Variants in WDR49 observed in about 807,000 individuals in gnomAD.
The protein encoded by WDR49 is WD repeat domain 49, also known as cilia- and flagella-associated protein 337.
In WDR49, 107 loss-of-function variants were observed where a neutral mutation model predicts 119.5. The ratio of observed to expected loss-of-function variants is 0.90; its 90% CI spans 0.77 to 1.05. The LOEUF is 1.05. Ranked by LOEUF, WDR49 falls within the 50% of genes least tolerant of loss-of-function variation. The pLI is 0.00. For missense variants in WDR49, 1,240 were observed against 1,220.5 expected (o/e 1.02, Z -0.24); for synonymous variants, 425 against 418.8 (o/e 1.01, Z -0.18).
chr3:167,521,813 G>T (rs1752446217), intron 16 of WDR49, among the ~76,000 whole-genome samples: 1 of 152,142 alleles, frequency 6.6e-6, no homozygotes, highest in South Asian at 2.1e-4. Flanking sequence ...CTAGCAGAGT[G>T]ATGTGAAGAG....
chr3:167,601,070 A>G (rs1715746435), intron 7 of WDR49, among the ~76,000 whole-genome samples: 1 of 152,148 alleles, frequency 6.6e-6, no homozygotes, highest in South Asian at 2.1e-4. Context: ...AAATAGAGAG[A>G]TATATTAGAA....
At chr3:167,480,187 T>C (rs1337894145) in intron 18 of WDR49, among the ~76,000 whole-genome samples, 1 of 145,934 alleles carries the variant, frequency 6.9e-6, no homozygotes, top group Non-Finnish European at 1.5e-5. Flanking sequence ...AGGCAGAGTT[T>C]GCAGTGAGCC....
chr3:167,527,834 A>G lies in WDR49; in HGVS notation c.2590T>C (p.Trp864Arg). The G allele has an allele frequency of 6.2e-7, 1 of 1,612,790 alleles. No homozygotes were observed. The highest frequency in any genetic ancestry group is 8.5e-7 in the Non-Finnish European group (1 of 1,179,306). ...CVTGVCNAPV[W>R]IFGQAKHWHI... is the part of the protein sequence containing the mutation. ...AATATTTCTACCTGACCAAAGATCC[A>G]AACAGGAGCATTGCAGACACCAGTC... The change falls in exon 15 of 19, where the codon TGG becomes CGG. Residue 864 changes from tryptophan to arginine, a missense_variant. Transcript: ENST00000682715.
intron 5 of WDR49, among the ~76,000 whole-genome samples, chr3:167,619,890 C>G (rs1325078930): frequency 2.0e-5 from 3 of 151,712 alleles, no homozygotes; most frequent in Non-Finnish European, 2.9e-5. Flanking sequence ...TCTGTAGATA[C>G]TGATTTTATA....
intron 3 of WDR49, among the ~76,000 whole-genome samples, chr3:167,622,564 T>G (rs1022900944): frequency 6.6e-6 from 1 of 152,092 alleles, no homozygotes; most frequent in Non-Finnish European, 1.5e-5. Flanking sequence ...AGCCCCGTAA[T>G]ACAGAAGCAA....
At chr3:167,655,813 G>T (rs529341485), upstream of WDR49, among the ~76,000 whole-genome samples, 15 of 152,150 alleles carry the variant, frequency 9.9e-5, no homozygotes, top group Middle Eastern at 3.4e-3. Flanking sequence ...CAGGAGAATC[G>T]CTTGAACCTG....
intron 10 of WDR49, among the ~76,000 whole-genome samples, chr3:167,540,461 G>T (rs75745566): frequency 1.8e-3 from 277 of 152,146 alleles, no homozygotes; most frequent in African/African-American, 6.6e-3. Context: ...AGTCTGGCTC[G>T]TAGGAAGCCC....
intron 7 of WDR49, among the ~76,000 whole-genome samples, chr3:167,593,912 G>A (rs777960308): frequency 6.6e-5 from 10 of 152,184 alleles, no homozygotes; most frequent in Middle Eastern, 6.8e-3. Flanking sequence ...AAAAGTGTGC[G>A]GTGGTTCCCC....
intron 11 of WDR49, among the ~76,000 whole-genome samples, chr3:167,535,170 G>C (rs751738424): frequency 2.6e-5 from 4 of 152,102 alleles, no homozygotes; most frequent in Non-Finnish European, 4.4e-5. Flanking sequence ...GGGGAAATCA[G>C]ACAGCCAGGC....
intron 2 of WDR49, among the ~76,000 whole-genome samples, chr3:167,639,360 T>C (rs1397518440): frequency 6.6e-6 from 1 of 151,680 alleles, no homozygotes; most frequent in African/African-American, 2.4e-5. Context: ...GAAACTGATG[T>C]TCAGGCTTAT....
chr3:167,642,396 A>G (rs1229396264), intron 2 of WDR49, among the ~76,000 whole-genome samples: 1 of 152,050 alleles, frequency 6.6e-6, no homozygotes, highest in Non-Finnish European at 1.5e-5. Context: ...AGAATAAAGC[A>G]TACAAATAAA....
chr3:167,584,337 G>C (rs1256467710), intron 7 of WDR49, among the ~76,000 whole-genome samples: 3 of 152,074 alleles, frequency 2.0e-5, no homozygotes, highest in African/African-American at 4.8e-5. Flanking sequence ...GAGAAATACT[G>C]AGAGCTCTTT....
At chr3:167,572,763 G>T (rs1306409592) in intron 8 of WDR49, among the ~76,000 whole-genome samples, 1 of 152,208 alleles carries the variant, frequency 6.6e-6, no homozygotes, top group Non-Finnish European at 1.5e-5. Flanking sequence ...CCAATGCTCA[G>T]GAAGAGGAGA....
chr3:167,610,680 C>T (rs1716297754), intron 5 of WDR49, among the ~76,000 whole-genome samples: 1 of 152,176 alleles, frequency 6.6e-6, no homozygotes, highest in African/African-American at 2.4e-5. Context: ...AGCCCCAGGG[C>T]CTTGAGTGAA....
At chr3:167,549,783 A>G (rs975376001) in intron 10 of WDR49, among the ~76,000 whole-genome samples, 3 of 152,182 alleles carry the variant, frequency 2.0e-5, no homozygotes, top group African/African-American at 7.2e-5. Flanking sequence ...CTATGTCCTG[A>G]ATGGTATTGC....
chr3:167,532,837 AT>A, intron 12 of WDR49, 41 bp downstream of exon 12: 1 of 1,483,054 alleles, frequency 6.7e-7, no homozygotes, highest in Non-Finnish European at 9.3e-7. Context: ...GCCTACTGTG[AT>A]TTGACTAGCC....
chr3:167,507,271 G>A (rs1751807689), intron 16 of WDR49, among the ~76,000 whole-genome samples: 1 of 151,984 alleles, frequency 6.6e-6, no homozygotes, highest in Non-Finnish European at 1.5e-5. Context: ...TCATTGGATA[G>A]GTGGGCAGTT....
chr3:167,554,527 A>G lies in WDR49; in HGVS notation c.1823+123T>C, dbSNP rs929164570. 40 of 531,648 alleles carry G rather than the reference A, an allele frequency of 7.5e-5. No individual in the cohort carries two copies. The Middle Eastern group carries it at 2.0e-3, about 26-fold the overall frequency. 32.9% of individuals were successfully genotyped at this position (531,648 alleles called of 1,614,324 possible). Reference sequence around the variant, plus strand: ...ATTTTATTCACTAAGCATTCAGTCAATTCCAACTAGGGTATCACTCACCTA... The same window carrying G: ...ATTTTATTCACTAAGCATTCAGTCAGTTCCAACTAGGGTATCACTCACCTA... On this transcript the variant is annotated intron_variant, in intron 10 of 18. Coordinates refer to ENST00000682715, the MANE Select transcript of WDR49 (RefSeq NM_001366157.1).
chr3:167,613,107 C>T (rs1054973191), intron 5 of WDR49, among the ~76,000 whole-genome samples: 1 of 152,064 alleles, frequency 6.6e-6, no homozygotes, highest in Non-Finnish European at 1.5e-5. Context: ...CCCCAGTCCC[C>T]AGGTTGTACT....
Sources: gnomAD v4.1 joint callset for allele counts (sites outside exome capture counted in the v4.1 genomes callset) on GRCh38, gnomAD v4.1.1 for gene constraint, MANE v1.5 for transcripts, NCBI Gene and HGNC (gene_info 2026-07-23, HGNC 2026-07-21) for gene names.